Variants in SEMA5A observed in about 807,000 individuals in gnomAD.
The protein encoded by SEMA5A is semaphorin 5A, also known as semaphorin-5A.
A neutral mutation model predicts 135.5 loss-of-function variants in SEMA5A; 55 were observed. The observed-to-expected ratio is 0.41, with a 90% confidence interval of 0.33 to 0.51. The LOEUF (loss-of-function observed/expected upper bound fraction) is 0.51. Among genes scored for constraint, SEMA5A ranks in the 20% least tolerant of loss-of-function variants. The probability of loss-of-function intolerance (pLI) is 0.37; values close to 1 mark genes in which losing one functional copy is unlikely to be tolerated. For missense variants in SEMA5A, 1,290 were observed against 1,419.9 expected, an observed-to-expected ratio of 0.91 and a Z score of 1.47; for synonymous variants, 580 against 546.5, an observed-to-expected ratio of 1.06 and a Z score of -0.85.
At chr5:9,226,477 C>G (rs1747315826) in intron 7 of SEMA5A, among the ~76,000 whole-genome samples, 1 of 151,832 alleles carries the variant, frequency 6.6e-6, no homozygotes. Context: ...TTTTTCTTCC[C>G]TTGGATTGTG....
chr5:9,429,075 G>A (rs1202398711), intron 2 of SEMA5A, among the ~76,000 whole-genome samples: 1 of 152,200 alleles, frequency 6.6e-6, no homozygotes, highest in Admixed American at 6.5e-5. Flanking sequence ...GAGGGGGTGT[G>A]ACTTAATTCA....
At chr5:9,460,106 G>T (rs184848448) in intron 1 of SEMA5A, among the ~76,000 whole-genome samples, 2 of 152,266 alleles carry the variant, frequency 1.3e-5, no homozygotes, top group Admixed American at 6.5e-5. Context: ...CTACTGTCAA[G>T]ATTTGTTTTC....
chr5:9,091,855 C>G (rs757216855), intron 16 of SEMA5A, among the ~76,000 whole-genome samples: 7 of 152,186 alleles, frequency 4.6e-5, no homozygotes, highest in Non-Finnish European at 7.3e-5. Flanking sequence ...ATTTGTATGA[C>G]AGTCCTGTTG....
intron 6 of SEMA5A, among the ~76,000 whole-genome samples, 172 bp from the exon 7 acceptor site, chr5:9,227,139 A>T (rs1211171446): frequency 6.6e-6 from 1 of 152,178 alleles, no homozygotes; most frequent in Non-Finnish European, 1.5e-5. Context: ...AACCTTTCAG[A>T]TATTGACCAA....
At chr5:9,302,713 T>C (rs889962958) in intron 5 of SEMA5A, among the ~76,000 whole-genome samples, 7 of 152,278 alleles carry the variant, frequency 4.6e-5, no homozygotes, top group African/African-American at 9.6e-5. Flanking sequence ...TAGAACCACC[T>C]ACTGTCACAT....
chr5:9,190,554 A>T (rs1745051718), intron 10 of SEMA5A, 83 bp from the exon 11 acceptor site: 1 of 1,314,572 alleles, frequency 7.6e-7, no homozygotes, highest in African/African-American at 1.4e-5. Context: ...CTGGAAAGTA[A>T]CTTGGAAATC....
intron 1 of SEMA5A, among the ~76,000 whole-genome samples, chr5:9,490,755 T>C (rs2126799307): frequency 6.6e-6 from 1 of 152,320 alleles, no homozygotes; most frequent in Admixed American, 6.5e-5. Flanking sequence ...TAGAGAGGTC[T>C]AAGGAAGCCT....
At chr5:9,472,382 G>C (rs752618467) in intron 1 of SEMA5A, among the ~76,000 whole-genome samples, 4 of 152,172 alleles carry the variant, frequency 2.6e-5, no homozygotes, top group Non-Finnish European at 5.9e-5. Context: ...AGCATTACCT[G>C]ACTTTGGAAA....
rs142256966 is a variant in SEMA5A at position 9,061,815 on chromosome 5, G to A, written c.2518+1072C>T. On this transcript the variant is annotated intron_variant, in intron 18 of 22. Coordinates refer to ENST00000382496, the MANE Select transcript of SEMA5A (RefSeq NM_003966.3). ...AGGCCCACAGGAGAGAAGAGTTTGC[G>A]TCTTTGGAGGACTTAATTAATGAGG... 5.9e-3 allele frequency among the ~76,000 whole-genome samples: 894 copies of A among 152,310 alleles called. 4 individuals are homozygous for A. The highest frequency in any genetic ancestry group is 0.024 in the Middle Eastern group (7 of 294).
At chr5:9,180,961 G>A (rs771970520) in intron 11 of SEMA5A, among the ~76,000 whole-genome samples, 5 of 152,090 alleles carry the variant, frequency 3.3e-5, no homozygotes, top group Non-Finnish European at 7.4e-5. Flanking sequence ...AAAATGATTC[G>A]TAGCAAGCAA....
intron 6 of SEMA5A, among the ~76,000 whole-genome samples, chr5:9,237,508 T>C (rs1053522636): frequency 6.6e-6 from 1 of 152,232 alleles, no homozygotes; most frequent in African/African-American, 2.4e-5. Context: ...AGGAGGAATT[T>C]AAAATATCTT....
intron 5 of SEMA5A, among the ~76,000 whole-genome samples, chr5:9,296,093 CAA>C (rs1751321615): frequency 6.6e-6 from 1 of 152,060 alleles, no homozygotes; most frequent in Non-Finnish European, 1.5e-5. Flanking sequence ...CTTAAAATCA[CAA>C]ATACAATCAT....
chr5:9,275,314 A>G (rs1750200463), intron 5 of SEMA5A, among the ~76,000 whole-genome samples: 1 of 152,166 alleles, frequency 6.6e-6, no homozygotes, highest in Non-Finnish European at 1.5e-5. Flanking sequence ...GACCAATAAC[A>G]AGTTCTAAAA....
intron 5 of SEMA5A, among the ~76,000 whole-genome samples, chr5:9,284,801 C>A (rs532886960): frequency 6.6e-6 from 1 of 152,292 alleles, no homozygotes; most frequent in African/African-American, 2.4e-5. Flanking sequence ...AAAGGATAAG[C>A]TTTAATAAAT....
intron 19 of SEMA5A, 89 bp downstream of exon 19, chr5:9,053,998 T>C (rs1029725181): frequency 1.6e-5 from 23 of 1,439,094 alleles, no homozygotes; most frequent in Middle Eastern, 2.4e-4. Flanking sequence ...GTACTTACCA[T>C]GATGCAGTAT....
At position 9,150,515 on chromosome 5, in the gene SEMA5A, G is replaced by T. The variant is rs73740361; in HGVS notation, c.1481+3973C>A. On this transcript the variant is annotated intron_variant, in intron 12 of 22. Transcript: ENST00000382496. ...ACATCAAAACACAATTTTTTTACTC[G>T]TCTTTGAGGTCAAACTTGACGGAAA... Among the ~76,000 whole-genome samples the T allele has an allele frequency of 2.6e-3, 390 of 152,054 alleles. 1 individual carries two copies. The highest frequency in any genetic ancestry group is 9.1e-3 in the African/African-American group (378 of 41,452).
chr5:9,269,106 G>A (rs1749835326), intron 5 of SEMA5A, among the ~76,000 whole-genome samples: 1 of 152,114 alleles, frequency 6.6e-6, no homozygotes, highest in Non-Finnish European at 1.5e-5. Context: ...GGAATGAACT[G>A]AGAGAAAATC....
chr5:9,404,606 A>T (rs528156913), intron 2 of SEMA5A, among the ~76,000 whole-genome samples: 1 of 152,338 alleles, frequency 6.6e-6, no homozygotes, highest in Admixed American at 6.5e-5. Context: ...AATTGTTTAA[A>T]AATGTGTATT....
chr5:9,258,801 TTC>T (rs1561080159), intron 5 of SEMA5A, among the ~76,000 whole-genome samples: 9 of 119,002 alleles, frequency 7.6e-5, no homozygotes, highest in South Asian at 3.1e-4. Flanking sequence ...TCTTCTTTCT[TTC>T]TTTTTTTTTT....
Sources: gnomAD v4.1 joint callset for allele counts (sites outside exome capture counted in the v4.1 genomes callset) on GRCh38, gnomAD v4.1.1 for gene constraint, MANE v1.5 for transcripts, NCBI Gene and HGNC (gene_info 2026-07-23, HGNC 2026-07-21) for gene names.